Variants in TAOK3 observed in about 807,000 individuals in gnomAD.
TAOK3 encodes TAO kinase 3, also known as serine/threonine-protein kinase TAO3.
In TAOK3, 40 loss-of-function variants were observed where a neutral mutation model predicts 120.4. That is an observed-to-expected ratio of 0.33 (90% CI 0.26 to 0.43). The LOEUF (loss-of-function observed/expected upper bound fraction) is 0.43, where lower values mean the gene tolerates loss of function less well. TAOK3 is among the 20% of genes least tolerant of loss of function. The pLI is 1.00. For synonymous variants in TAOK3, 355 were observed against 387.5 expected, an observed-to-expected ratio of 0.92 and a Z score of 0.99; for missense variants, 821 against 1,112.1, an observed-to-expected ratio of 0.74 and a Z score of 3.72.
intron 1 of TAOK3, among the ~76,000 whole-genome samples, chr12:118,355,582 G>T (rs577591201): frequency 6.6e-6 from 1 of 152,274 alleles, no homozygotes; most frequent in East Asian, 1.9e-4. Context: ...AAGATCGGTG[G>T]ATTTCATCCC....
intron 1 of TAOK3, among the ~76,000 whole-genome samples, chr12:118,354,982 C>T (rs766897216): frequency 1.3e-5 from 2 of 151,788 alleles, no homozygotes; most frequent in Non-Finnish European, 2.9e-5. Flanking sequence ...TCCCTTGAGT[C>T]TAGGAGTTTG....
chr12:118,361,516 G>A (rs2045598119), intron 1 of TAOK3, among the ~76,000 whole-genome samples: 3 of 150,462 alleles, frequency 2.0e-5, no homozygotes, highest in Admixed American at 6.6e-5. Context: ...GGAGTGCAGT[G>A]GCACGATCTT....
chr12:118,196,612 T>G (rs2037742554), intron 13 of TAOK3, among the ~76,000 whole-genome samples: 1 of 152,208 alleles, frequency 6.6e-6, no homozygotes, highest in African/African-American at 2.4e-5. Flanking sequence ...ATTTTGGTAT[T>G]TATTAAGCAC....
chr12:118,213,988 A>C, intron 10 of TAOK3, 29 bp downstream of exon 10: 3 of 1,560,810 alleles, frequency 1.9e-6, no homozygotes, highest in Non-Finnish European at 2.6e-6. Context: ...TGATTTTCTT[A>C]GAGATTTAAA....
chr12:118,191,877 G>C (rs1401643148), intron 13 of TAOK3, among the ~76,000 whole-genome samples: 1 of 152,304 alleles, frequency 6.6e-6, no homozygotes, highest in East Asian at 1.9e-4. Context: ...GTAGAGGCCT[G>C]TGATTTTATA....
chr12:118,261,684 G>A (rs2041234471), intron 2 of TAOK3: 1 of 152,110 alleles, frequency 6.6e-6, no homozygotes, highest in Non-Finnish European at 1.5e-5. Flanking sequence ...CTGTACAGGT[G>A]CAGTAAATAA....
In TAOK3 at chr12:118,327,966, T is replaced by C. The variant is rs560805761; in HGVS notation, c.-194+44682A>G. On this transcript the variant is annotated intron_variant, in intron 1 of 20. Coordinates refer to ENST00000392533, the MANE Select transcript of TAOK3 (RefSeq NM_016281.4). ...TAGACACTAACTTCCACTTACTGAA[T>C]CAGTCATAAATGTATTGTTCCACAT... is the stretch of plus-strand genomic sequence containing the variant. Among the ~76,000 whole-genome samples, 16 of 152,246 alleles carry C rather than the reference T, an allele frequency of 1.1e-4. No homozygotes were observed. The South Asian group carries it at 3.3e-3, about 32-fold the overall frequency.
chr12:118,201,627 C>G (rs956045787), intron 11 of TAOK3, among the ~76,000 whole-genome samples, 164 bp from the exon 12 acceptor site: 1 of 152,152 alleles, frequency 6.6e-6, no homozygotes, highest in African/African-American at 2.4e-5. Flanking sequence ...TTTTGTAAAT[C>G]TCATAAAGAG....
intron 17 of TAOK3, among the ~76,000 whole-genome samples, chr12:118,167,801 C>T (rs1229355008): frequency 2.6e-5 from 4 of 151,558 alleles, no homozygotes; most frequent in Non-Finnish European, 5.9e-5. Flanking sequence ...CGAACAGAAA[C>T]GATACAAAGA....
At chr12:118,174,194 T>C (rs1052629315) in intron 16 of TAOK3, among the ~76,000 whole-genome samples, 3 of 152,242 alleles carry the variant, frequency 2.0e-5, no homozygotes, top group Non-Finnish European at 4.4e-5. Flanking sequence ...ACTCCTGTTA[T>C]CTATCAAAAG....
rs535188319 is a variant in TAOK3 at position 118,217,864 on chromosome 12, C to CT, written c.644-3755dup. 2.6e-3 allele frequency among the ~76,000 whole-genome samples: 107 copies of CT among 40,704 alleles called. 4 individuals are homozygous for CT. In the East Asian group the frequency reaches 0.032, roughly 12 times the overall value. 26.7% of individuals were successfully genotyped at this position (40,704 alleles called of 152,430 possible). A position where few individuals can be genotyped will look rare whatever the true frequency, so the allele number is the denominator to read the frequency against. On this transcript the variant is annotated intron_variant, in intron 9 of 20. Coordinates refer to ENST00000392533, the MANE Select transcript of TAOK3 (RefSeq NM_016281.4). ...ATATATATATATATATATATATACA[C>CT]TTTTTTTTTTTTTTTGAGACGGAGT...
intron 1 of TAOK3, among the ~76,000 whole-genome samples, chr12:118,293,829 C>T (rs1468575907): frequency 6.6e-6 from 1 of 151,922 alleles, no homozygotes; most frequent in African/African-American, 2.4e-5. Context: ...GCCTGACCCA[C>T]ATGGAGAAAC....
rs758445797 is a variant in TAOK3 at position 118,150,225 on chromosome 12, CA to C, written c.*771del. ...ACAAAATACACGATTTGCCAAAGCCCAATTTGTGCTACTGGGATTCTGTGAG... is the reference window on the plus strand; with the variant it reads ...ACAAAATACACGATTTGCCAAAGCCCATTTGTGCTACTGGGATTCTGTGAG... On this transcript the variant is annotated 3_prime_UTR_variant, in exon 21 of 21. Coordinates refer to ENST00000392533, the MANE Select transcript of TAOK3 (RefSeq NM_016281.4). 2.0e-4 allele frequency: 31 copies of C among 152,608 alleles called. No homozygotes were observed. Among genetic ancestry groups the C allele is most frequent in the Non-Finnish European group, 4.3e-4 (29 of 68,040 alleles). The allele number at this position is 152,608 out of a possible 1,614,324, so 9.5% of individuals were successfully genotyped here.
intron 5 of TAOK3, among the ~76,000 whole-genome samples, chr12:118,240,236 A>G (rs1254347246): frequency 2.0e-5 from 3 of 149,556 alleles, no homozygotes; most frequent in Non-Finnish European, 3.0e-5. Context: ...CTGGAGTGCA[A>G]TGGCACGATC....
chr12:118,363,231 G>T (rs2045653531), intron 1 of TAOK3, among the ~76,000 whole-genome samples: 1 of 151,988 alleles, frequency 6.6e-6, no homozygotes, highest in African/African-American at 2.4e-5. Flanking sequence ...TTTACCAACT[G>T]TCAGGGTCAC....
At chr12:118,229,633 T>C (rs1310479978) in intron 9 of TAOK3, among the ~76,000 whole-genome samples, 1 of 151,878 alleles carries the variant, frequency 6.6e-6, no homozygotes. Context: ...TATTTTAGAG[T>C]AATAATAATA....
At chr12:118,236,000 A>T in intron 7 of TAOK3, 1 of 207,436 alleles carries the variant, frequency 4.8e-6, no homozygotes, top group South Asian at 9.6e-5. Flanking sequence ...ATATTCTTAA[A>T]GGCTAAATCC....
intron 19 of TAOK3, among the ~76,000 whole-genome samples, chr12:118,153,984 A>G (rs1301283488): frequency 2.0e-5 from 3 of 152,202 alleles, no homozygotes; most frequent in Non-Finnish European, 4.4e-5. Flanking sequence ...AAGAGGACAG[A>G]CAGTTCTCAT....
rs532658332 is a variant in TAOK3, at chr12:118,289,867, C to T, written c.-193-23108G>A. 5.2e-4 allele frequency among the ~76,000 whole-genome samples: 79 copies of T among 151,898 alleles called. No homozygotes were observed. The East Asian group carries it at 7.6e-3, about 15-fold the overall frequency. On this transcript the variant is annotated intron_variant, in intron 1 of 20. Transcript: ENST00000392533. Reference sequence around the variant, plus strand: ...AAAATTAGCTGGGCGTGGTGGTGGGCGCCTGTAATCCCAGCTCCTTGGGAG... The same window carrying T: ...AAAATTAGCTGGGCGTGGTGGTGGGTGCCTGTAATCCCAGCTCCTTGGGAG...
Sources: allele counts gnomAD v4.1 joint callset (sites outside exome capture counted in the v4.1 genomes callset), GRCh38; gene constraint gnomAD v4.1.1; transcripts MANE v1.5; gene names NCBI Gene and HGNC (gene_info 2026-07-23, HGNC 2026-07-21).